Variants in TNIP1 observed in about 807,000 individuals in gnomAD.
TNIP1 encodes the protein TNFAIP3 interacting protein 1, also known as TNFAIP3-interacting protein 1.
In TNIP1, 22 loss-of-function variants were observed where a neutral mutation model predicts 86.6. The observed-to-expected ratio is 0.25, with a 90% CI of 0.18 to 0.36. The LOEUF is 0.36. TNIP1 is among the 10% of genes least tolerant of loss of function. The pLI, the probability that TNIP1 is intolerant of heterozygous loss-of-function variation, is 1.00. For synonymous variants in TNIP1, 294 were observed against 313.0 expected, an observed-to-expected ratio of 0.94 and a Z score of 0.64; for missense variants, 709 against 820.6, an observed-to-expected ratio of 0.86 and a Z score of 1.66.
intron 16 of TNIP1, chr5:151,033,394 C>T (rs1757176765): frequency 2.4e-6 from 1 of 408,940 alleles, no homozygotes; most frequent in South Asian, 9.8e-5. Flanking sequence ...ACCAGTGACC[C>T]TGAACAGCTG....
intron 8 of TNIP1, among the ~76,000 whole-genome samples, chr5:151,047,307 C>A (rs11747787): frequency 0.46 from 69,737 of 152,054 alleles, 16,402 homozygotes; most frequent in Middle Eastern, 0.55. Context: ...CTTGTGAGGC[C>A]TCAATCGTGA....
At chr5:151,069,027 G>A (rs1201929552) in intron 1 of TNIP1, among the ~76,000 whole-genome samples, 1 of 152,198 alleles carries the variant, frequency 6.6e-6, no homozygotes, top group African/African-American at 2.4e-5. Flanking sequence ...AACCAGAAAG[G>A]CCCAGTTTGG....
intron 15 of TNIP1, 102 bp from the exon 16 acceptor site, chr5:151,033,901 G>C (rs769812772): frequency 9.1e-7 from 1 of 1,098,668 alleles, no homozygotes; most frequent in Non-Finnish European, 1.2e-6. Flanking sequence ...AAGGCTAGCA[G>C]GCTGGGTACC....
chr5:151,033,289 G>A (rs1757164653), intron 16 of TNIP1, among the ~76,000 whole-genome samples: 1 of 152,104 alleles, frequency 6.6e-6, no homozygotes, highest in Non-Finnish European at 1.5e-5. Flanking sequence ...GAAGTTATAA[G>A]AAAAAGCAAA....
intron 5 of TNIP1, among the ~76,000 whole-genome samples, chr5:151,059,779 CAGAGAGAGAGAGAGAGAGAGAGAGAG>C (rs55637016): frequency 0.017 from 1,157 of 67,438 alleles, 35 homozygotes; most frequent in African/African-American, 0.058. Context: ...GTACGAGAGA[CAGAGAGAGAGAGAGAGAGAGAGAGAG>C]AGAGAGAGAG....
rs75304146 is a variant in TNIP1 at position 151,039,015 on chromosome 5, G to C, written c.1263+82C>G. 480 of 1,536,940 alleles carry C rather than the reference G, an allele frequency of 3.1e-4. 5 individuals carry two copies. In the East Asian group the frequency reaches 0.011, roughly 34 times the overall value. ...GGGGGTTACCCTTCCTAAGCTGAAT[G>C]GTTGGGGGTGCCAGTGATGGGGTGG... On this transcript the variant is annotated intron_variant, in intron 12 of 17. Transcript: ENST00000521591.
intron 1 of TNIP1, among the ~76,000 whole-genome samples, chr5:151,073,096 C>T (rs538759469): frequency 6.6e-6 from 1 of 152,200 alleles, no homozygotes; most frequent in African/African-American, 2.4e-5. Flanking sequence ...GTGGCGGGTG[C>T]CTGTAGTCCC....
intron 1 of TNIP1, among the ~76,000 whole-genome samples, chr5:151,067,732 C>T (rs1762397264): frequency 6.6e-6 from 1 of 152,164 alleles, no homozygotes; most frequent in Admixed American, 6.5e-5. Flanking sequence ...CTCGGTAAAC[C>T]TTGAATTCAG....
chr5:151,034,149 TG>T (rs1297440021), intron 15 of TNIP1, among the ~76,000 whole-genome samples: 1 of 143,992 alleles, frequency 6.9e-6, no homozygotes, highest in African/African-American at 2.6e-5. Flanking sequence ...CACGGAAGGC[TG>T]GTACATGGGC....
intron 17 of TNIP1, 83 bp from the exon 18 acceptor site, chr5:151,030,830 C>G (rs2113178756): frequency 8.4e-7 from 1 of 1,195,470 alleles, no homozygotes; most frequent in East Asian, 2.4e-5. Context: ...AGTGCAGGAA[C>G]AGTGAAAATA....
intron 1 of TNIP1, among the ~76,000 whole-genome samples, chr5:151,076,951 G>A (rs1763464853): frequency 6.6e-6 from 1 of 152,226 alleles, no homozygotes; most frequent in Non-Finnish European, 1.5e-5. Context: ...CTCATCCAGA[G>A]GGGACACAGC....
chr5:151,082,727 T>C (rs1307754194), upstream of TNIP1, among the ~76,000 whole-genome samples: 1 of 152,258 alleles, frequency 6.6e-6, no homozygotes, highest in African/African-American at 2.4e-5. Context: ...ATTCTCAAGC[T>C]TGACATAAAA....
intron 4 of TNIP1, 138 bp from the exon 5 acceptor site, chr5:151,060,533 C>A: frequency 1.4e-6 from 1 of 710,044 alleles, no homozygotes; most frequent in Non-Finnish European, 2.5e-6. Context: ...TATCATCTCA[C>A]ATGAGATCAC....
intron 1 of TNIP1, among the ~76,000 whole-genome samples, chr5:151,077,933 C>G (rs1302000232): frequency 6.6e-6 from 1 of 152,220 alleles, no homozygotes; most frequent in Admixed American, 6.5e-5. Context: ...TGTGACTAGT[C>G]TACTAAGTTC....
intron 1 of TNIP1, among the ~76,000 whole-genome samples, chr5:151,079,285 T>G (rs1394336976): frequency 6.6e-6 from 1 of 152,220 alleles, no homozygotes; most frequent in African/African-American, 2.4e-5. Context: ...GCCTTAACCT[T>G]CTCTGGGCCT....
At chr5:151,057,652 G>C (rs1324065960) in intron 5 of TNIP1, among the ~76,000 whole-genome samples, 4 of 152,180 alleles carry the variant, frequency 2.6e-5, no homozygotes, top group Non-Finnish European at 4.4e-5. Context: ...GGGAGTCGGA[G>C]GTTGCAGTGA....
intron 2 of TNIP1, among the ~76,000 whole-genome samples, chr5:151,064,647 G>C (rs1007106384): frequency 1.2e-4 from 19 of 152,150 alleles, no homozygotes; most frequent in Admixed American, 1.1e-3. Context: ...CCCAGAAAGA[G>C]GAGACCACTC....
intron 8 of TNIP1, among the ~76,000 whole-genome samples, chr5:151,047,835 G>A (rs1759377585): frequency 6.6e-6 from 1 of 152,090 alleles, no homozygotes; most frequent in Admixed American, 6.5e-5. Flanking sequence ...GGGCTTCAAT[G>A]CGATGAGAAG....
intron 13 of TNIP1, 122 bp downstream of exon 13, chr5:151,036,667 GC>G: frequency 6.8e-7 from 1 of 1,468,172 alleles, no homozygotes; most frequent in Non-Finnish European, 9.3e-7. Context: ...GGGGGCCCTG[GC>G]CAATGGCCAG....
Sources: gnomAD v4.1 joint callset for allele counts (sites outside exome capture counted in the v4.1 genomes callset) on GRCh38, gnomAD v4.1.1 for gene constraint, MANE v1.5 for transcripts, NCBI Gene and HGNC (gene_info 2026-07-23, HGNC 2026-07-21) for gene names.